CTNNA2: variants seen among roughly 807,000 people sequenced by gnomAD.
CTNNA2 encodes the protein catenin alpha-2.
In CTNNA2, 42 loss-of-function variants were observed where a neutral mutation model predicts 101.0. That is an observed-to-expected ratio of 0.42 (90% CI 0.32 to 0.54). CTNNA2 has a LOEUF of 0.54. Among genes scored for constraint, CTNNA2 ranks in the 20% least tolerant of loss-of-function variants. The pLI is 0.14. For synonymous variants in CTNNA2, 450 were observed against 456.4 expected (o/e 0.99, Z 0.18); for missense variants, 871 against 1,223.1 (o/e 0.71, Z 4.29).
chr2:79,764,864 C>T (rs1457709204), intron 3 of CTNNA2, among the ~76,000 whole-genome samples: 2 of 152,100 alleles, frequency 1.3e-5, no homozygotes, highest in African/African-American at 4.8e-5. Context: ...GGTAAAGAGA[C>T]AACAGAAGGG....
chr2:79,393,508 A>G (rs1196267512), intron 4 of CTNNA2, among the ~76,000 whole-genome samples: 1 of 152,184 alleles, frequency 6.6e-6, no homozygotes, highest in Admixed American at 6.6e-5. Context: ...CACAAAGTCT[A>G]AAATATTTAC....
intron 6 of CTNNA2, among the ~76,000 whole-genome samples, chr2:79,890,316 A>T (rs141228492): frequency 9.8e-4 from 150 of 152,300 alleles, no homozygotes; most frequent in East Asian, 4.6e-3. Flanking sequence ...TGTCCAAAAG[A>T]TGCTGCCAAA....
chr2:79,402,697 T>C (rs1041520221), intron 4 of CTNNA2, among the ~76,000 whole-genome samples: 1 of 151,892 alleles, frequency 6.6e-6, no homozygotes, highest in African/African-American at 2.4e-5. Context: ...TTCTTCTCAA[T>C]GCATTTGGAA....
At chr2:80,607,788 A>G (rs1002606838) in intron 16 of CTNNA2, among the ~76,000 whole-genome samples, 1 of 151,924 alleles carries the variant, frequency 6.6e-6, no homozygotes, top group Non-Finnish European at 1.5e-5. Flanking sequence ...CTTGGCAGAG[A>G]GTGCCACACA....
chr2:79,310,682 G>T (rs2104399537), intron 2 of CTNNA2, among the ~76,000 whole-genome samples: 1 of 152,290 alleles, frequency 6.6e-6, no homozygotes, highest in East Asian at 1.9e-4. Context: ...AATCAATGCA[G>T]AATTGAGAAA....
At chr2:79,396,995 C>G (rs972781954) in intron 4 of CTNNA2, among the ~76,000 whole-genome samples, 11 of 152,060 alleles carry the variant, frequency 7.2e-5, no homozygotes, top group African/African-American at 2.7e-4. Flanking sequence ...GGGACTCACT[C>G]CCAGATTTCT....
intron 7 of CTNNA2, among the ~76,000 whole-genome samples, chr2:80,387,465 G>C (rs1170197469): frequency 6.6e-6 from 1 of 152,200 alleles, no homozygotes; most frequent in African/African-American, 2.4e-5. Flanking sequence ...TAGGGAGACA[G>C]TGGGGTGGGG....
intron 9 of CTNNA2, among the ~76,000 whole-genome samples, chr2:80,532,112 T>G (rs1458278823): frequency 6.6e-6 from 1 of 152,208 alleles, no homozygotes; most frequent in Non-Finnish European, 1.5e-5. Flanking sequence ...TAGATAGGGT[T>G]GACAGAGTTT....
At chr2:80,043,490 G>T (rs1020064878) in intron 7 of CTNNA2, among the ~76,000 whole-genome samples, 1 of 152,062 alleles carries the variant, frequency 6.6e-6, no homozygotes, top group Non-Finnish European at 1.5e-5. Context: ...GAGCCACTGC[G>T]CCCTGCCCCT....
At chr2:80,163,025 T>C (rs991739892) in intron 7 of CTNNA2, 45 of 1,561,876 alleles carry the variant, frequency 2.9e-5, no homozygotes, top group Non-Finnish European at 3.1e-5. Context: ...TTCCATAAAG[T>C]TTGATTCCAT....
At chr2:80,538,628 C>T (rs535935211) in intron 9 of CTNNA2, among the ~76,000 whole-genome samples, 4 of 152,162 alleles carry the variant, frequency 2.6e-5, no homozygotes, top group Admixed American at 6.5e-5. Context: ...GTTACTGTAA[C>T]CTTGTAGTAC....
chr2:80,206,857 T>C (rs1038750108), intron 7 of CTNNA2, among the ~76,000 whole-genome samples: 4 of 152,264 alleles, frequency 2.6e-5, no homozygotes, highest in Non-Finnish European at 4.4e-5. Context: ...CATTCTTTCA[T>C]GGCCATCTGA....
At position 80,374,682 on chromosome 2, in the gene CTNNA2, C is replaced by CGTGCGTGT. The variant is rs1553507224; in HGVS notation, c.1057-18526_1057-18525insCGTGTGTG. Among the ~76,000 whole-genome samples the CGTGCGTGT allele has an allele frequency of 1.6e-3, 216 of 134,020 alleles. 1 individual carries two copies. Among genetic ancestry groups the CGTGCGTGT allele is most frequent in the Non-Finnish European group, 2.0e-3 (129 of 63,864 alleles). The allele number at this position is 134,020 out of a possible 152,430, so 87.9% of individuals were successfully genotyped here. On this transcript the variant is annotated intron_variant, in intron 7 of 18. Transcript: ENST00000402739. ...TGTCTTTCCTCTGCGTGCGTGCGTG[C>CGTGCGTGT]GTGTGTGTGTGTGTGTGTGTGTGTG...
At chr2:79,640,887 G>A (rs1439757356) in intron 1 of CTNNA2, among the ~76,000 whole-genome samples, 1 of 152,138 alleles carries the variant, frequency 6.6e-6, no homozygotes, top group Non-Finnish European at 1.5e-5. Flanking sequence ...ATTTCTTAAT[G>A]AGCCAGTTAA....
At chr2:79,994,587 A>AG (rs201518532) in intron 7 of CTNNA2, among the ~76,000 whole-genome samples, 8 of 150,756 alleles carry the variant, frequency 5.3e-5, no homozygotes, top group African/African-American at 2.0e-4. Flanking sequence ...TCTGTTTCAT[A>AG]GGAAAAAAAA....
intron 6 of CTNNA2, among the ~76,000 whole-genome samples, chr2:79,892,980 C>T (rs1030115385): frequency 1.3e-5 from 2 of 152,180 alleles, no homozygotes; most frequent in East Asian, 1.9e-4. Context: ...GCACTATACC[C>T]GTCCCTGATT....
intron 3 of CTNNA2, among the ~76,000 whole-genome samples, chr2:79,337,940 G>C (rs889528701): frequency 2.6e-5 from 4 of 152,050 alleles, no homozygotes; most frequent in East Asian, 3.9e-4. Flanking sequence ...GATTAAGGCT[G>C]AGGAGTAAAA....
intron 6 of CTNNA2, among the ~76,000 whole-genome samples, chr2:79,895,319 T>A (rs1304588227): frequency 6.6e-6 from 1 of 152,230 alleles, no homozygotes; most frequent in Non-Finnish European, 1.5e-5. Context: ...AGAAGATAGA[T>A]GAGTTTATGC....
chr2:79,797,560 C>G (rs940245330), intron 3 of CTNNA2, among the ~76,000 whole-genome samples: 5 of 150,790 alleles, frequency 3.3e-5, no homozygotes, highest in Non-Finnish European at 1.5e-5. Flanking sequence ...ACTCAGGAGG[C>G]TGAGGCAGGA....
Sources: allele counts gnomAD v4.1 joint callset (sites outside exome capture counted in the v4.1 genomes callset), GRCh38; gene constraint gnomAD v4.1.1; transcripts MANE v1.5; gene names NCBI Gene and HGNC (gene_info 2026-07-23, HGNC 2026-07-21).